The following MAF variants were observed in gnomAD, a reference collection of about 807,000 sequenced individuals.
MAF encodes transcription factor Maf.
A neutral mutation model predicts 22.0 loss-of-function variants in MAF; 10 were observed. The ratio of observed to expected loss-of-function variants is 0.45; its 90% CI spans 0.28 to 0.77. MAF has a LOEUF of 0.77. Among genes scored for constraint, MAF ranks in the 30% least tolerant of loss-of-function variants. The pLI is 0.12. For synonymous variants in MAF, 337 were observed against 255.8 expected (o/e 1.32, Z -3.03); for missense variants, 544 against 548.4 (o/e 0.99, Z 0.08).
At chr16:79,534,669 T>C in the MAF span, among the ~76,000 whole-genome samples, 768 of 152,140 alleles carry the variant, frequency 5.0e-3, 5 homozygotes, top group Non-Finnish European at 7.9e-3. Context: ...CACACCAACA[T>C]GGCACATGTA....
chr16:79,240,075 C>T, the MAF span, among the ~76,000 whole-genome samples: 2 of 151,726 alleles, frequency 1.3e-5, no homozygotes, highest in East Asian at 3.9e-4. Flanking sequence ...CAAAGAACAT[C>T]AAAGGGCTGG....
the MAF span, among the ~76,000 whole-genome samples, chr16:79,267,041 T>C: frequency 2.0e-5 from 3 of 152,232 alleles, no homozygotes; most frequent in Admixed American, 2.0e-4. Flanking sequence ...CTGTCTCCAC[T>C]ATGGGGCTGT....
chr16:79,495,288 C>T, the MAF span, among the ~76,000 whole-genome samples: 1 of 151,944 alleles, frequency 6.6e-6, no homozygotes, highest in Non-Finnish European at 1.5e-5. Flanking sequence ...ATAGTGAGAC[C>T]CCATCCCTAA....
chr16:79,428,683 T>TAC, the MAF span, among the ~76,000 whole-genome samples: 15 of 151,734 alleles, frequency 9.9e-5, no homozygotes, highest in Non-Finnish European at 1.9e-4. Context: ...CTACAAAAAG[T>TAC]ACACACACAC....
At chr16:79,564,650 C>G in the MAF span, among the ~76,000 whole-genome samples, 2 of 152,292 alleles carry the variant, frequency 1.3e-5, no homozygotes, top group East Asian at 3.9e-4. Flanking sequence ...GTCCGACCCA[C>G]CCATCTTCTT....
At chr16:79,540,348 C>T in the MAF span, among the ~76,000 whole-genome samples, 4 of 152,002 alleles carry the variant, frequency 2.6e-5, no homozygotes, top group South Asian at 2.1e-4. Context: ...GAAGTCCCTG[C>T]GCTCTGGTGT....
the MAF span, among the ~76,000 whole-genome samples, chr16:79,372,172 T>C: frequency 6.6e-6 from 1 of 152,004 alleles, no homozygotes; most frequent in African/African-American, 2.4e-5. Flanking sequence ...AGATGGTTTT[T>C]TGTTTAATTT....
chr16:79,251,963 T>C, the MAF span, among the ~76,000 whole-genome samples: 56 of 152,390 alleles, frequency 3.7e-4, no homozygotes, highest in African/African-American at 1.3e-3. Context: ...AAATGCCTAA[T>C]TGATAAAACC....
At chr16:79,233,363 C>A in the MAF span, among the ~76,000 whole-genome samples, 1 of 151,980 alleles carries the variant, frequency 6.6e-6, no homozygotes, top group Non-Finnish European at 1.5e-5. Flanking sequence ...ATGAAATGAT[C>A]ATCCAGGGCC....
the MAF span, among the ~76,000 whole-genome samples, chr16:79,513,325 G>A: frequency 6.6e-6 from 1 of 152,210 alleles, no homozygotes; most frequent in Non-Finnish European, 1.5e-5. Context: ...TAGCTATGTG[G>A]CCAAAAGCGT....
chr16:79,346,883 T>C, the MAF span, among the ~76,000 whole-genome samples: 2 of 152,232 alleles, frequency 1.3e-5, no homozygotes, highest in Non-Finnish European at 2.9e-5. Flanking sequence ...GCTGTTAGCA[T>C]TTGATAAGAT....
the MAF span, among the ~76,000 whole-genome samples, chr16:79,234,417 G>A: frequency 2.0e-5 from 3 of 152,136 alleles, no homozygotes; most frequent in Non-Finnish European, 4.4e-5. Context: ...ACTTAATAGA[G>A]TGTTCATTGT....
At chr16:79,417,998 T>C in the MAF span, among the ~76,000 whole-genome samples, 22 of 152,106 alleles carry the variant, frequency 1.4e-4, no homozygotes, top group Non-Finnish European at 2.9e-4. Flanking sequence ...CCTGCGCGGG[T>C]CTGGCCTTGT....
At chr16:79,299,637 G>C in the MAF span, among the ~76,000 whole-genome samples, 3 of 152,218 alleles carry the variant, frequency 2.0e-5, no homozygotes, top group African/African-American at 7.2e-5. Context: ...GTGAGGCCCT[G>C]GAGGGCCCCT....
chr16:79,565,244 G>A, the MAF span, among the ~76,000 whole-genome samples: 1 of 152,042 alleles, frequency 6.6e-6, no homozygotes, highest in East Asian at 1.9e-4. Context: ...TGTTTTTGTG[G>A]AAAAAAGAAG....
chr16:79,266,400 G>C, the MAF span, among the ~76,000 whole-genome samples: 31 of 152,272 alleles, frequency 2.0e-4, no homozygotes, highest in African/African-American at 7.5e-4. Context: ...TTAATAGAGG[G>C]GTTCTGAGGA....
the MAF span, among the ~76,000 whole-genome samples, chr16:79,208,834 C>T: frequency 5.9e-5 from 9 of 152,128 alleles, no homozygotes; most frequent in African/African-American, 9.7e-5. Context: ...GCCATTGGTA[C>T]GGCTGAAAAT....
At chr16:79,534,144 C>T in the MAF span, among the ~76,000 whole-genome samples, 2 of 152,234 alleles carry the variant, frequency 1.3e-5, no homozygotes, top group Non-Finnish European at 2.9e-5. Context: ...AGAAGTACAG[C>T]TTGTGAACAT....
the MAF span, among the ~76,000 whole-genome samples, chr16:79,215,322 T>A: frequency 2.0e-5 from 3 of 152,216 alleles, no homozygotes; most frequent in East Asian, 5.8e-4. Flanking sequence ...CCTTAAGCAA[T>A]CCTCCCATTA....
Sources: gnomAD v4.1 joint callset for allele counts (sites outside exome capture counted in the v4.1 genomes callset) on GRCh38, gnomAD v4.1.1 for gene constraint, MANE v1.5 for transcripts, NCBI Gene and HGNC (gene_info 2026-07-23, HGNC 2026-07-21) for gene names.